The following RBM46 variants were observed in gnomAD, a reference collection of about 807,000 sequenced individuals.
The protein encoded by RBM46 is RNA binding motif protein 46.
A neutral mutation model predicts 43.3 loss-of-function variants in RBM46; 12 were observed. That is an observed-to-expected ratio of 0.28 (90% CI 0.18 to 0.45). RBM46 has a LOEUF of 0.45. Among genes scored for constraint, RBM46 ranks in the 20% least tolerant of loss-of-function variants. The pLI, the probability that RBM46 is intolerant of heterozygous loss-of-function variation, is 1.00. For missense variants in RBM46, 412 were observed against 639.1 expected (o/e 0.64, Z 3.83); for synonymous variants, 205 against 207.6 (o/e 0.99, Z 0.11).
At chr4:154,782,180 T>A (rs1733520047) in intron 1 of RBM46, among the ~76,000 whole-genome samples, 1 of 152,184 alleles carries the variant, frequency 6.6e-6, no homozygotes, top group Non-Finnish European at 1.5e-5. Context: ...GGCACCGCCT[T>A]TGTTTCCTAA....
At chr4:154,820,115 GAT>G (rs1465309255) in intron 4 of RBM46, among the ~76,000 whole-genome samples, 1 of 151,894 alleles carries the variant, frequency 6.6e-6, no homozygotes, top group African/African-American at 2.4e-5. Flanking sequence ...TGTTTAGAAA[GAT>G]AAATTTTTTT....
At chr4:154,782,628 G>T (rs1015487283) in intron 1 of RBM46, among the ~76,000 whole-genome samples, 1 of 152,138 alleles carries the variant, frequency 6.6e-6, no homozygotes, top group African/African-American at 2.4e-5. Context: ...TGGGACTACA[G>T]GCGCGCGCCA....
intron 4 of RBM46, among the ~76,000 whole-genome samples, chr4:154,817,341 T>C (rs1256447869): frequency 6.7e-6 from 1 of 150,290 alleles, no homozygotes; most frequent in Non-Finnish European, 1.5e-5. Context: ...CTTTTTTTTT[T>C]TTTTTTTTTG....
chr4:154,819,881 A>C (rs1024333123), intron 4 of RBM46, among the ~76,000 whole-genome samples: 1 of 152,146 alleles, frequency 6.6e-6, no homozygotes, highest in African/African-American at 2.4e-5. Context: ...GTTGGGAAGA[A>C]AGATTTAAGT....
chr4:154,796,207 G>C (rs1165377813), intron 1 of RBM46, among the ~76,000 whole-genome samples: 2 of 152,138 alleles, frequency 1.3e-5, no homozygotes, highest in Non-Finnish European at 2.9e-5. Flanking sequence ...TCAAGTCTTA[G>C]TGACTGATGA....
At chr4:154,790,811 A>G (rs374502622) in intron 1 of RBM46, among the ~76,000 whole-genome samples, 42 of 152,336 alleles carry the variant, frequency 2.8e-4, no homozygotes, top group African/African-American at 9.6e-4. Context: ...AAGTGAGTAA[A>G]AGATCAGACG....
intron 4 of RBM46, among the ~76,000 whole-genome samples, chr4:154,817,568 G>T (rs928731646): frequency 6.6e-6 from 1 of 152,068 alleles, no homozygotes; most frequent in Non-Finnish European, 1.5e-5. Flanking sequence ...CTGACCTCAG[G>T]TGATGTGCCC....
At chr4:154,808,456 T>A (rs892341134) in intron 4 of RBM46, among the ~76,000 whole-genome samples, 2 of 152,062 alleles carry the variant, frequency 1.3e-5, no homozygotes, top group Admixed American at 6.5e-5. Flanking sequence ...ATTTTTTTCT[T>A]GTTAACTTTG....
At chr4:154,796,686 A>G (rs1233763648) in intron 1 of RBM46, 56 bp from the exon 2 acceptor site, 2 of 1,212,850 alleles carry the variant, frequency 1.6e-6, no homozygotes, top group Middle Eastern at 2.1e-4. Flanking sequence ...GAAATGCCTT[A>G]TAGATTCTTG....
intron 4 of RBM46, 188 bp from the exon 5 acceptor site, chr4:154,827,680 A>T: frequency 7.1e-7 from 1 of 1,413,112 alleles, no homozygotes; most frequent in East Asian, 2.6e-5. Context: ...GGTAATACTG[A>T]CAAAACTCTC....
At chr4:154,802,544 CAG>C (rs1474294887) in intron 4 of RBM46, among the ~76,000 whole-genome samples, 1 of 152,280 alleles carries the variant, frequency 6.6e-6, no homozygotes, top group Non-Finnish European at 1.5e-5. Flanking sequence ...TCAAATAGCT[CAG>C]AGTTGAGATC....
chr4:154,828,266 A>G lies in RBM46; in HGVS notation c.*199A>G. On this transcript the variant is annotated 3_prime_UTR_variant, in exon 5 of 5. Coordinates refer to ENST00000281722, the MANE Select transcript of RBM46 (RefSeq NM_144979.5). ...ATAAAAATGCAAAGTTTAAAAAGTT[A>G]TTCAGTGGTTTCTCTTGATAAAGGT... 2 of 560,478 alleles carry G rather than the reference A, an allele frequency of 3.6e-6. No individual in the cohort carries two copies. The highest frequency in any genetic ancestry group is 6.3e-6 in the Non-Finnish European group (2 of 317,614). 34.7% of individuals were successfully genotyped at this position (560,478 alleles called of 1,614,324 possible).
intron 4 of RBM46, among the ~76,000 whole-genome samples, chr4:154,808,598 T>C (rs1422720188): frequency 6.6e-6 from 1 of 152,004 alleles, no homozygotes. Context: ...CCCAGTTAAT[T>C]TTTGGTCCAA....
chr4:154,805,398 A>G (rs1013028583), intron 4 of RBM46, among the ~76,000 whole-genome samples: 1 of 152,056 alleles, frequency 6.6e-6, no homozygotes, highest in Non-Finnish European at 1.5e-5. Context: ...TCATTTTGTA[A>G]TGGACTTGTA....
At chr4:154,789,064 G>A (rs1733940696) in intron 1 of RBM46, among the ~76,000 whole-genome samples, 1 of 152,172 alleles carries the variant, frequency 6.6e-6, no homozygotes, top group Non-Finnish European at 1.5e-5. Flanking sequence ...ATCAGCTTAA[G>A]GAGATTTTGG....
intron 1 of RBM46, among the ~76,000 whole-genome samples, chr4:154,788,548 C>G (rs1431548647): frequency 1.3e-5 from 2 of 152,094 alleles, no homozygotes; most frequent in South Asian, 2.1e-4. Context: ...TGGTCTATAT[C>G]TCTGTTTTGG....
intron 4 of RBM46, among the ~76,000 whole-genome samples, chr4:154,805,643 G>T (rs2111162538): frequency 6.6e-6 from 1 of 151,812 alleles, no homozygotes; most frequent in South Asian, 2.1e-4. Flanking sequence ...AAAATATTTG[G>T]TGCTTTTTTT....
In RBM46 at chr4:154,798,190, A is replaced by G. The variant is rs1465891454; in HGVS notation, c.531A>G (p.Ala177=). 6.2e-7 allele frequency: 1 copy of G among 1,613,626 alleles called. No individual in the cohort carries two copies. The highest frequency in any genetic ancestry group is 1.7e-5 in the Admixed American group (1 of 59,952). ...TAGATGTCATTGTTTATCCAAGTGCAACTGATAAGACCAAAAATCGTGGTT... is the reference window on the plus strand; with the variant it reads ...TAGATGTCATTGTTTATCCAAGTGCGACTGATAAGACCAAAAATCGTGGTT... ...GVVDVIVYPS[A]TDKTKNRGFA... Residue 177 remains alanine, a synonymous_variant, in exon 3 of 5, where the codon GCA becomes GCG. Coordinates refer to ENST00000281722, the MANE Select transcript of RBM46 (RefSeq NM_144979.5).
At position 154,828,280 on chromosome 4, in the gene RBM46, C is replaced by G. The variant is rs1296911756; in HGVS notation, c.*213C>G. 9 of 536,830 alleles carry G rather than the reference C, an allele frequency of 1.7e-5. No homozygotes were observed. Among genetic ancestry groups the G allele is most frequent in the Non-Finnish European group, 1.3e-5 (4 of 303,468 alleles). 33.3% of individuals were successfully genotyped at this position (536,830 alleles called of 1,614,324 possible). A position where few individuals can be genotyped will look rare whatever the true frequency, so the allele number is the denominator to read the frequency against. ...TTTAAAAAGTTATTCAGTGGTTTCT[C>G]TTGATAAAGGTACAGCAAACTACTA... On this transcript the variant is annotated 3_prime_UTR_variant, in exon 5 of 5. Transcript: ENST00000281722.
Sources: gnomAD v4.1 joint callset for allele counts (sites outside exome capture counted in the v4.1 genomes callset) on GRCh38, gnomAD v4.1.1 for gene constraint, MANE v1.5 for transcripts, NCBI Gene and HGNC (gene_info 2026-07-23, HGNC 2026-07-21) for gene names.